Variants in USP42 observed in about 807,000 individuals in gnomAD.
USP42 encodes ubiquitin carboxyl-terminal hydrolase 42.
USP42 carries 23 observed loss-of-function variants against 113.0 expected under a neutral mutation model. That is an observed-to-expected ratio of 0.20 (90% CI 0.15 to 0.29). The LOEUF (loss-of-function observed/expected upper bound fraction) is 0.29, where lower values mean the gene tolerates loss of function less well. Ranked by LOEUF, USP42 falls within the 10% of genes least tolerant of loss-of-function variation. The pLI, the probability that USP42 is intolerant of heterozygous loss-of-function variation, is 1.00. For missense variants in USP42, 2,174 were observed against 1,779.8 expected, an observed-to-expected ratio of 1.22 and a Z score of -3.99; for synonymous variants, 933 against 699.0, an observed-to-expected ratio of 1.33 and a Z score of -5.28.
upstream of USP42, among the ~76,000 whole-genome samples, chr7:6,101,033 A>G (rs1185903449): frequency 6.6e-6 from 1 of 150,798 alleles, no homozygotes; most frequent in East Asian, 1.9e-4. Flanking sequence ...GGCGCACAAG[A>G]TTTAGGTACA....
Position 6,149,766 on chromosome 7 carries a change from A to G in USP42, c.1570A>G (p.Ile524Val), listed in dbSNP as rs1470568293. The change falls in exon 13 of 18, where the codon ATC (isoleucine) becomes GTC (valine). Residue 524 changes from isoleucine (I) to valine (V), a missense_variant. Ile to Val is a conservative substitution (Grantham distance 29). Coordinates refer to ENST00000306177, the MANE Select transcript of USP42 (RefSeq NM_032172.3). ...PEHPKKQKIT[I>V]SIHNKLPVRQ... ...ACATCCTAAGAAACAAAAAATTACA[A>G]TCAGTATTCACAACAAGTTGCCTGT... 1.2e-6 allele frequency: 2 copies of G among 1,613,996 alleles called. No individual in the cohort carries two copies. Among genetic ancestry groups the G allele is most frequent in the East Asian group, 2.2e-5 (1 of 44,886 alleles).
chr7:6,098,258 C>CA, the USP42 span, among the ~76,000 whole-genome samples: 8 of 150,304 alleles, frequency 5.3e-5, no homozygotes, highest in African/African-American at 1.5e-4. Flanking sequence ...AGAACCTGCC[C>CA]ACCCAGCATC....
intron 3 of USP42, chr7:6,116,765 C>A (rs778277950): frequency 1.9e-6 from 1 of 533,020 alleles, no homozygotes; most frequent in South Asian, 1.4e-5. Context: ...AATTAACGTT[C>A]TGTTTGCCCT....
At chr7:6,081,276 C>G in the USP42 span, 1 of 152,210 alleles carries the variant, frequency 6.6e-6, no homozygotes, top group African/African-American at 2.4e-5. Context: ...CGGAGGTGAG[C>G]TGGACACACG....
At chr7:6,108,700 C>G (rs1211941304) in intron 1 of USP42, among the ~76,000 whole-genome samples, 1 of 152,124 alleles carries the variant, frequency 6.6e-6, no homozygotes, top group African/African-American at 2.4e-5. Flanking sequence ...AGGATGGTCT[C>G]AATCTCCTGA....
Position 6,154,404 on chromosome 7 carries a change from A to T in USP42, c.2850A>T (p.Arg950=). 1 of 1,577,294 alleles carries T rather than the reference A, an allele frequency of 6.3e-7. No individual in the cohort carries two copies. Among genetic ancestry groups the T allele is most frequent in the Non-Finnish European group, 8.6e-7 (1 of 1,163,264 alleles). ...EKIGSLRKVD[R]GHYRSRRERS... ...TCGGCAGCCTCAGAAAGGTGGACCG[A>T]GGCCACTACCGCAGCCGGAGAGAGC... Residue 950 remains arginine (R), a synonymous_variant, in exon 15 of 18, where the codon CGA becomes CGT. Transcript: ENST00000306177.
chr7:6,115,253 A>G, intron 2 of USP42, 70 bp from the exon 3 acceptor site: 1 of 1,471,018 alleles, frequency 6.8e-7, no homozygotes, highest in African/African-American at 1.4e-5. Flanking sequence ...AGGTTTGACC[A>G]GGTGTTACTA....
chr7:6,124,552 C>T (rs1780420452), intron 3 of USP42, among the ~76,000 whole-genome samples: 1 of 152,150 alleles, frequency 6.6e-6, no homozygotes, highest in Non-Finnish European at 1.5e-5. Flanking sequence ...GAGTGAGCCC[C>T]CGTGCCCAGC....
intron 3 of USP42, among the ~76,000 whole-genome samples, chr7:6,130,748 C>T (rs928725948): frequency 6.6e-6 from 1 of 152,052 alleles, no homozygotes; most frequent in African/African-American, 2.4e-5. Flanking sequence ...GAGATGGTTG[C>T]TCAGGGGCAG....
At chr7:6,110,912 A>G (rs1217567771) in intron 1 of USP42, among the ~76,000 whole-genome samples, 1 of 152,228 alleles carries the variant, frequency 6.6e-6, no homozygotes, top group Non-Finnish European at 1.5e-5. Flanking sequence ...AGATTTTAAA[A>G]TAAAGATTGT....
chr7:6,089,500 G>T, the USP42 span, among the ~76,000 whole-genome samples: 7 of 149,464 alleles, frequency 4.7e-5, no homozygotes, highest in Non-Finnish European at 8.8e-5. Flanking sequence ...ACACTCTTCT[G>T]ACCCTGGACC....
rs1779585645 is a variant in USP42, at chr7:6,111,335, G to A, written c.202G>A (p.Val68Ile). 6.2e-7 allele frequency: 1 copy of A among 1,610,984 alleles called. No homozygotes were observed. Among genetic ancestry groups the A allele is most frequent in the Non-Finnish European group, 8.5e-7 (1 of 1,178,430 alleles). Residue 68 changes from valine (V) to isoleucine (I), a missense_variant, in exon 2 of 18, where the codon GTA becomes ATA. Coordinates refer to ENST00000306177, the MANE Select transcript of USP42 (RefSeq NM_032172.3). The part of the protein sequence containing the change: ...PGAVVYSSSS[V>I]PDKSKPSPQK... ...TGCTGTAGTTTATTCGAGTTCATCTGTACCTGATAAATCAAAACCATCACC... is the reference window on the plus strand; with the variant it reads ...TGCTGTAGTTTATTCGAGTTCATCTATACCTGATAAATCAAAACCATCACC...
At chr7:6,082,856 C>A in the USP42 span, among the ~76,000 whole-genome samples, 2 of 149,668 alleles carry the variant, frequency 1.3e-5, no homozygotes, top group African/African-American at 5.0e-5. Flanking sequence ...GGCAGTCTAC[C>A]TGCCTTGGCC....
At chr7:6,108,574 G>C (rs934160806) in intron 1 of USP42, among the ~76,000 whole-genome samples, 4 of 152,080 alleles carry the variant, frequency 2.6e-5, no homozygotes, top group African/African-American at 9.7e-5. Context: ...TCCACCTCCC[G>C]GGTTCAAGCG....
chr7:6,099,684 C>T, the USP42 span, among the ~76,000 whole-genome samples: 9 of 150,160 alleles, frequency 6.0e-5, 1 homozygote, highest in South Asian at 4.2e-4. Flanking sequence ...TATTACCATC[C>T]GGGCACAGTG....
chr7:6,150,725 T>G (rs935567148), intron 14 of USP42, among the ~76,000 whole-genome samples: 3 of 152,236 alleles, frequency 2.0e-5, no homozygotes, highest in African/African-American at 7.2e-5. Context: ...CTTGATGTAC[T>G]CACCATGCTA....
At chr7:6,131,446 C>G (rs536204081) in intron 3 of USP42, among the ~76,000 whole-genome samples, 1 of 152,180 alleles carries the variant, frequency 6.6e-6, no homozygotes, top group South Asian at 2.1e-4. Flanking sequence ...TGCACTCCAG[C>G]CTGGGTGACA....
At chr7:6,087,034 CT>C in the USP42 span, among the ~76,000 whole-genome samples, 10 of 133,512 alleles carry the variant, frequency 7.5e-5, no homozygotes, top group East Asian at 2.1e-4. Context: ...AGCCACCACA[CT>C]TTTTTTTTTC....
the USP42 span, among the ~76,000 whole-genome samples, chr7:6,095,139 C>T: frequency 1.3e-5 from 2 of 151,146 alleles, no homozygotes; most frequent in South Asian, 4.1e-4. Context: ...GTCAAGGAAC[C>T]AGTTGCTAAG....
Sources: allele counts gnomAD v4.1 joint callset (sites outside exome capture counted in the v4.1 genomes callset), GRCh38; gene constraint gnomAD v4.1.1; transcripts MANE v1.5; gene names NCBI Gene and HGNC (gene_info 2026-07-23, HGNC 2026-07-21).